Variants in RERG observed in about 807,000 individuals in gnomAD.
The protein encoded by RERG is ras-related and estrogen-regulated growth inhibitor.
RERG carries 25 observed loss-of-function variants against 23.2 expected under a neutral mutation model. The observed-to-expected ratio is 1.08, with a 90% CI of 0.79 to 1.50. RERG has a LOEUF of 1.50. Among genes scored for constraint, RERG ranks in the 40% most tolerant of loss-of-function variants. The pLI is 0.00. For synonymous variants in RERG, 81 were observed against 89.1 expected, an observed-to-expected ratio of 0.91 and a Z score of 0.51; for missense variants, 253 against 250.1, an observed-to-expected ratio of 1.01 and a Z score of -0.08.
At chr12:15,193,042 T>C (rs1229295570) in intron 2 of RERG, among the ~76,000 whole-genome samples, 1 of 152,190 alleles carries the variant, frequency 6.6e-6, no homozygotes, top group Non-Finnish European at 1.5e-5. Context: ...TAAATATTTA[T>C]TTAAGGGGAG....
In RERG at chr12:15,149,006, C is replaced by G. The variant is rs895385238; in HGVS notation, c.62-27887G>C. Among the ~76,000 whole-genome samples, 3 of 151,330 alleles carry G rather than the reference C, an allele frequency of 2.0e-5. No individual in the cohort carries two copies. In the East Asian group the frequency reaches 5.9e-4, roughly 30 times the overall value. On this transcript the variant is annotated intron_variant, in intron 2 of 4. Coordinates refer to ENST00000256953, the MANE Select transcript of RERG (RefSeq NM_032918.3). Reference sequence around the variant, plus strand: ...GCCTCAGCCTCCCGAGTAGCTGGGACTACAGGCGCCCGCCACCACGCCCGG... The same window carrying G: ...GCCTCAGCCTCCCGAGTAGCTGGGAGTACAGGCGCCCGCCACCACGCCCGG...
chr12:15,110,463 CTTTT>C (rs869218147), intron 4 of RERG, among the ~76,000 whole-genome samples: 18 of 73,146 alleles, frequency 2.5e-4, no homozygotes, highest in African/African-American at 7.7e-4. Context: ...CCATTTTTTT[CTTTT>C]TTTTTTTTTT....
chr12:15,214,794 C>T (rs116333405), intron 2 of RERG, among the ~76,000 whole-genome samples: 1,797 of 152,246 alleles, frequency 0.012, 34 homozygotes, highest in African/African-American at 0.039. Context: ...CTGCAGTGAG[C>T]TATGATCATG....
At chr12:15,114,829 G>C (rs1253737924) in intron 3 of RERG, 5 of 152,146 alleles carry the variant, frequency 3.3e-5, no homozygotes, top group Admixed American at 3.3e-4. Context: ...AAATTCTCAG[G>C]CTCCACCCCA....
rs1388887333 is a variant in RERG at position 15,133,305 on chromosome 12, T to C, written c.62-12186A>G. Among the ~76,000 whole-genome samples, 5 of 152,026 alleles carry C rather than the reference T, an allele frequency of 3.3e-5. No homozygotes were observed. In the East Asian group the frequency reaches 7.7e-4, roughly 23 times the overall value. Reference sequence around the variant, plus strand: ...GATCGTTTTACTGTCACCATAGTGCTGCCTTTTCCAGAATGTCATATAGTT... The same window carrying C: ...GATCGTTTTACTGTCACCATAGTGCCGCCTTTTCCAGAATGTCATATAGTT... On this transcript the variant is annotated intron_variant, in intron 2 of 4. Coordinates refer to ENST00000256953, the MANE Select transcript of RERG (RefSeq NM_032918.3).
chr12:15,145,324 G>A (rs935134373), intron 2 of RERG, among the ~76,000 whole-genome samples: 1 of 152,262 alleles, frequency 6.6e-6, no homozygotes, highest in African/African-American at 2.4e-5. Flanking sequence ...AGAAGAGAGA[G>A]ACAGAGCAAT....
intron 2 of RERG, chr12:15,155,277 T>C (rs1864505439): frequency 6.6e-6 from 1 of 152,042 alleles, no homozygotes; most frequent in Admixed American, 6.6e-5. Context: ...ACCTGCCTGT[T>C]GGAAAATAAA....
At chr12:15,137,042 A>T (rs574346565) in intron 2 of RERG, among the ~76,000 whole-genome samples, 4 of 152,014 alleles carry the variant, frequency 2.6e-5, no homozygotes, top group Non-Finnish European at 5.9e-5. Flanking sequence ...ATTTCTCCTT[A>T]AAGTTCCATC....
intron 2 of RERG, among the ~76,000 whole-genome samples, chr12:15,166,801 A>ATTTTTTTT (rs1864700848): frequency 6.7e-6 from 1 of 149,726 alleles, no homozygotes; most frequent in African/African-American, 2.5e-5. Flanking sequence ...ATATTTAAAG[A>ATTTTTTTT]GGTCTTTTAT....
At chr12:15,137,221 A>G (rs1294628249) in intron 2 of RERG, among the ~76,000 whole-genome samples, 2 of 151,792 alleles carry the variant, frequency 1.3e-5, no homozygotes, top group Non-Finnish European at 2.9e-5. Context: ...ATATTAATAT[A>G]GCTATTCCAG....
At chr12:15,117,671 A>G (rs1234536351) in intron 3 of RERG, among the ~76,000 whole-genome samples, 39 of 68,024 alleles carry the variant, frequency 5.7e-4, no homozygotes, top group African/African-American at 1.9e-3. Flanking sequence ...TCCATCACAC[A>G]CGCGCACACA....
rs564709149 is a variant in RERG at position 15,195,013 on chromosome 12, C to T, written c.61+22416G>A. Among the ~76,000 whole-genome samples the T allele has an allele frequency of 2.6e-5, 4 of 152,092 alleles. No individual in the cohort carries two copies. In the South Asian group the frequency reaches 8.3e-4, roughly 32 times the overall value. ...TTTTCTAAATGTCTATATACATTAC[C>T]TTCCAGCAAACACTTTGTGGAAAGG... On this transcript the variant is annotated intron_variant, in intron 2 of 4. Coordinates refer to ENST00000256953, the MANE Select transcript of RERG (RefSeq NM_032918.3).
intron 2 of RERG, 58 bp from the exon 3 acceptor site, chr12:15,121,177 T>C: frequency 7.3e-7 from 1 of 1,361,410 alleles, no homozygotes; most frequent in Non-Finnish European, 1.0e-6. Context: ...TTAGCACACC[T>C]ATCTTTTTAA....
intron 2 of RERG, among the ~76,000 whole-genome samples, chr12:15,195,389 G>C (rs1188303209): frequency 6.6e-6 from 1 of 152,120 alleles, no homozygotes; most frequent in Non-Finnish European, 1.5e-5. Context: ...CGAAGAGTTG[G>C]AGCAACAGAG....
intron 2 of RERG, among the ~76,000 whole-genome samples, chr12:15,125,190 G>T (rs1042749979): frequency 6.6e-6 from 1 of 151,748 alleles, no homozygotes; most frequent in Admixed American, 6.6e-5. Context: ...TGTCACAAAC[G>T]GTTTCAAATA....
At chr12:15,194,754 G>T (rs1274576581) in intron 2 of RERG, among the ~76,000 whole-genome samples, 2 of 152,132 alleles carry the variant, frequency 1.3e-5, no homozygotes, top group East Asian at 3.9e-4. Flanking sequence ...TCACCCTCTG[G>T]TTGCTGCAGG....
At chr12:15,183,174 A>G (rs561944198) in intron 2 of RERG, among the ~76,000 whole-genome samples, 1 of 152,140 alleles carries the variant, frequency 6.6e-6, no homozygotes, top group African/African-American at 2.4e-5. Context: ...GGGATGTAAG[A>G]TCTAAATTAA....
intron 2 of RERG, among the ~76,000 whole-genome samples, chr12:15,130,958 C>T (rs1471698436): frequency 6.6e-6 from 1 of 151,918 alleles, no homozygotes; most frequent in East Asian, 1.9e-4. Flanking sequence ...AAAGGTTAAT[C>T]TGATCCTGGT....
chr12:15,181,999 T>C (rs1254506189), intron 2 of RERG, among the ~76,000 whole-genome samples: 1 of 152,180 alleles, frequency 6.6e-6, no homozygotes, highest in East Asian at 1.9e-4. Context: ...TAAATTACTG[T>C]TCACCAGACA....
Sources: allele counts gnomAD v4.1 joint callset (sites outside exome capture counted in the v4.1 genomes callset), GRCh38; gene constraint gnomAD v4.1.1; transcripts MANE v1.5; gene names NCBI Gene and HGNC (gene_info 2026-07-23, HGNC 2026-07-21).